Variants in ZNF215 observed in about 807,000 individuals in gnomAD.
ZNF215 encodes the protein BWSCR2-associated zinc finger protein 2.
In ZNF215, 24 loss-of-function variants were observed where a neutral mutation model predicts 27.2. The observed-to-expected ratio is 0.88, with a 90% CI of 0.64 to 1.24. The LOEUF (loss-of-function observed/expected upper bound fraction) is 1.24. ZNF215 is among the 50% of genes most tolerant of loss of function. ZNF215 has a pLI of 0.00. For synonymous variants in ZNF215, 210 were observed against 204.0 expected (o/e 1.03, Z -0.25); for missense variants, 675 against 605.7 (o/e 1.11, Z -1.20).
At chr11:6,949,239 T>C (rs1030680465) in intron 6 of ZNF215, among the ~76,000 whole-genome samples, 4 of 152,090 alleles carry the variant, frequency 2.6e-5, no homozygotes, top group African/African-American at 9.7e-5. Flanking sequence ...AGCAGCATGA[T>C]TTATAATCCT....
downstream of ZNF215, among the ~76,000 whole-genome samples, chr11:6,992,856 A>G (rs1300976211): frequency 6.6e-6 from 1 of 150,812 alleles, no homozygotes; most frequent in Non-Finnish European, 1.5e-5. Context: ...TTTTAAATCA[A>G]CTCCATCGTA....
chr11:6,957,185 C>T lies in ZNF215; in HGVS notation c.*654C>T. ...AATCTGCATTTGTTTATAGCAGGTCCTTGAAAAATGTTTTTGTTTTGTTAT... is the reference window on the plus strand; with the variant it reads ...AATCTGCATTTGTTTATAGCAGGTCTTTGAAAAATGTTTTTGTTTTGTTAT... On this transcript the variant is annotated 3_prime_UTR_variant, in exon 7 of 7. Transcript: ENST00000278319. The T allele has an allele frequency of 1.0e-6, 1 of 985,056 alleles. No individual in the cohort carries two copies. The highest frequency in any genetic ancestry group is 1.2e-6 in the Non-Finnish European group (1 of 829,628). 61.0% of individuals were successfully genotyped at this position (985,056 alleles called of 1,614,324 possible).
downstream of ZNF215, among the ~76,000 whole-genome samples, chr11:6,991,869 T>G (rs770854288): frequency 6.6e-6 from 1 of 152,212 alleles, no homozygotes; most frequent in African/African-American, 2.4e-5. Context: ...CTACAACTAG[T>G]TACCTGTCAA....
chr11:6,954,755 C>G (rs1385035217), intron 6 of ZNF215, among the ~76,000 whole-genome samples: 1 of 152,352 alleles, frequency 6.6e-6, no homozygotes, highest in African/African-American at 2.4e-5. Flanking sequence ...CCTGCGCCCA[C>G]TGTCTGGCAC....
At chr11:6,980,595 C>A (rs1392545143) in intron 5 of ZNF215, among the ~76,000 whole-genome samples, 2 of 143,994 alleles carry the variant, frequency 1.4e-5, no homozygotes, top group East Asian at 3.9e-4. Context: ...TTAAACTGAT[C>A]TTAGTTTACT....
intron 3 of ZNF215, among the ~76,000 whole-genome samples, chr11:6,933,664 G>A (rs1459675533): frequency 6.6e-6 from 1 of 151,832 alleles, no homozygotes; most frequent in Non-Finnish European, 1.5e-5. Flanking sequence ...GGTGGTGGGC[G>A]GGCACCTGTA....
At chr11:6,964,759 T>C (rs1850584031) in intron 5 of ZNF215, among the ~76,000 whole-genome samples, 1 of 151,984 alleles carries the variant, frequency 6.6e-6, no homozygotes, top group Admixed American at 6.6e-5. Flanking sequence ...TAGACTTAGC[T>C]TATTTCTACA....
intron 6 of ZNF215, among the ~76,000 whole-genome samples, chr11:6,947,592 A>C (rs1220684569): frequency 6.6e-6 from 1 of 152,190 alleles, no homozygotes; most frequent in African/African-American, 2.4e-5. Context: ...TTATATGAAA[A>C]ATGAGTTGTA....
chr11:6,942,958 C>A, intron 4 of ZNF215, 125 bp from the exon 5 acceptor site: 1 of 1,384,390 alleles, frequency 7.2e-7, no homozygotes, highest in Non-Finnish European at 9.8e-7. Context: ...AAACATTGTC[C>A]TCAGACATTG....
chr11:6,944,224 C>T (rs1564953304), intron 6 of ZNF215, among the ~76,000 whole-genome samples: 1 of 151,804 alleles, frequency 6.6e-6, no homozygotes, highest in Non-Finnish European at 1.5e-5. Flanking sequence ...TGCAGTGAGC[C>T]AAGATCGCAC....
Position 6,932,372 on chromosome 11 carries a change from G to A in ZNF215, c.100G>A (p.Glu34Lys). The change falls in exon 3 of 7, where the codon GAA becomes AAA. Residue 34 changes from glutamate to lysine, a missense_variant. Coordinates refer to ENST00000278319, the MANE Select transcript of ZNF215 (RefSeq NM_013250.4). ...VLRADMSWQQ[E>K]TNPVVETHDS... ...GAGAGCAGATATGTCTTGGCAGCAG[G>A]AAACCAACCCCGTCGTGGAGACACA... 6.2e-7 allele frequency: 1 copy of A among 1,614,142 alleles called. No homozygotes were observed. Among genetic ancestry groups the A allele is most frequent in the Non-Finnish European group, 8.5e-7 (1 of 1,180,032 alleles).
chr11:6,939,095 C>T (rs74612448), intron 3 of ZNF215, among the ~76,000 whole-genome samples: 14,311 of 151,964 alleles, frequency 0.094, 867 homozygotes, highest in Admixed American at 0.18. Context: ...TTGATTTATC[C>T]AATTTTATAC....
In ZNF215 at chr11:6,943,580, G is replaced by A; in HGVS notation, c.651G>A (p.Lys217=). 2 of 1,614,058 alleles carry A rather than the reference G, an allele frequency of 1.2e-6. No individual in the cohort carries two copies. The highest frequency in any genetic ancestry group is 1.7e-6 in the Non-Finnish European group (2 of 1,179,992). The change falls in exon 6 of 7, where the codon AAG becomes AAA. Residue 217 remains lysine (K), a synonymous_variant. Coordinates refer to ENST00000278319, the MANE Select transcript of ZNF215 (RefSeq NM_013250.4). ...HLLSKPFESL[K]LESKKKRWIM... ...TTTCCAAACCATTTGAGAGCCTTAAGTTGGAGAGTAAGAAAAAAAGATGGA... is the reference window on the plus strand; with the variant it reads ...TTTCCAAACCATTTGAGAGCCTTAAATTGGAGAGTAAGAAAAAAAGATGGA...
intron 5 of ZNF215, among the ~76,000 whole-genome samples, chr11:6,973,723 C>T (rs537601011): frequency 6.6e-5 from 10 of 152,238 alleles, no homozygotes; most frequent in Middle Eastern, 3.4e-3. Context: ...TCATATCCTT[C>T]ACCCACTTGT....
In ZNF215 at chr11:6,932,251, T is replaced by G. The variant is rs775282243; in HGVS notation, c.-22T>G. On this transcript the variant is annotated 5_prime_UTR_variant, in exon 3 of 7. Transcript: ENST00000278319. ...ATCTAGTAAGGCGGATTTGAACTAC[T>G]GTGGGAGTTCTATTTAGGAAGATGC... 6.2e-6 allele frequency: 10 copies of G among 1,606,544 alleles called. No homozygotes were observed. The East Asian group carries it at 1.6e-4, about 25-fold the overall frequency.
downstream of ZNF215, among the ~76,000 whole-genome samples, chr11:6,993,636 T>G (rs1198269532): frequency 6.6e-6 from 1 of 152,220 alleles, no homozygotes; most frequent in Non-Finnish European, 1.5e-5. Context: ...CAAACAGAGA[T>G]AAGCAGTGTT....
Position 6,932,223 on chromosome 11 carries a change from G to A in ZNF215, c.-50G>A. 1 of 1,576,166 alleles carries A rather than the reference G, an allele frequency of 6.3e-7. No individual in the cohort carries two copies. The highest frequency in any genetic ancestry group is 8.6e-7 in the Non-Finnish European group (1 of 1,161,528). ...GCTTAGCTCAAGCCTGAGAATTACT[G>A]CAATCTAGTAAGGCGGATTTGAACT... On this transcript the variant is annotated 5_prime_UTR_variant, in exon 3 of 7. Coordinates refer to ENST00000278319, the MANE Select transcript of ZNF215 (RefSeq NM_013250.4).
downstream of ZNF215, among the ~76,000 whole-genome samples, chr11:6,985,767 G>T (rs913516330): frequency 1.3e-5 from 2 of 152,086 alleles, no homozygotes; most frequent in Non-Finnish European, 2.9e-5. Flanking sequence ...GCCAAATCAA[G>T]AATGCAATCC....
At chr11:6,943,698 A>G (rs1849715283) in intron 6 of ZNF215, 57 bp downstream of exon 6, 1 of 1,321,074 alleles carries the variant, frequency 7.6e-7, no homozygotes, top group Non-Finnish European at 1.1e-6. Context: ...CTAAACATAC[A>G]GACAATGTGC....
Sources: gnomAD v4.1 joint callset for allele counts (sites outside exome capture counted in the v4.1 genomes callset) on GRCh38, gnomAD v4.1.1 for gene constraint, MANE v1.5 for transcripts, NCBI Gene and HGNC (gene_info 2026-07-23, HGNC 2026-07-21) for gene names.